MYRIP: variants seen among roughly 807,000 people sequenced by gnomAD.
The protein encoded by MYRIP is rab effector MyRIP.
In MYRIP, 49 loss-of-function variants were observed where a neutral mutation model predicts 98.0. That is an observed-to-expected ratio of 0.50 (90% CI 0.40 to 0.63). The LOEUF is 0.63. MYRIP is among the 30% of genes least tolerant of loss of function. MYRIP has a pLI of 0.00. For synonymous variants in MYRIP, 404 were observed against 409.5 expected (o/e 0.99, Z 0.16); for missense variants, 1,004 against 1,058.2 (o/e 0.95, Z 0.71).
chr3:40,201,358 A>G (rs114196361), intron 10 of MYRIP, among the ~76,000 whole-genome samples: 5,089 of 152,316 alleles, frequency 0.033, 124 homozygotes, highest in Middle Eastern at 0.065. Flanking sequence ...ATACCAAGTC[A>G]GGAGGTTTTG....
At chr3:39,995,719 C>T (rs993559894) in intron 2 of MYRIP, among the ~76,000 whole-genome samples, 1 of 152,072 alleles carries the variant, frequency 6.6e-6, no homozygotes, top group African/African-American at 2.4e-5. Flanking sequence ...AGAGCAACTC[C>T]AAGACACATA....
At position 40,211,831 on chromosome 3, in the gene MYRIP, A is replaced by G. The variant is rs568720031; in HGVS notation, c.1905+1738A>G. On this transcript the variant is annotated intron_variant, in intron 11 of 16. Transcript: ENST00000302541. Reference sequence around the variant, plus strand: ...AGCAACCTCCTGGAGGCAGTCACCAATGTACGCTATTCTCCCCTGGGCAGA... The same window carrying G: ...AGCAACCTCCTGGAGGCAGTCACCAGTGTACGCTATTCTCCCCTGGGCAGA... Among the ~76,000 whole-genome samples the G allele has an allele frequency of 4.1e-5, 6 of 147,048 alleles. No individual in the cohort carries two copies. In the East Asian group the frequency reaches 9.9e-4, roughly 24 times the overall value.
chr3:39,867,547 A>G (rs556170263), intron 1 of MYRIP, among the ~76,000 whole-genome samples: 2 of 152,348 alleles, frequency 1.3e-5, no homozygotes, highest in Admixed American at 1.3e-4. Context: ...AGGTATATGA[A>G]AAAGTGCTCA....
chr3:40,075,487 T>C (rs1948323852), intron 3 of MYRIP, among the ~76,000 whole-genome samples: 1 of 152,222 alleles, frequency 6.6e-6, no homozygotes, highest in Admixed American at 6.5e-5. Context: ...AAATCCCAAC[T>C]TTGCCATTTA....
intron 2 of MYRIP, among the ~76,000 whole-genome samples, chr3:39,981,180 ATC>A (rs1251826710): frequency 6.6e-6 from 1 of 152,226 alleles, no homozygotes; most frequent in African/African-American, 2.4e-5. Flanking sequence ...CATAATCAGA[ATC>A]AGTGTCTGCA....
chr3:40,137,262 G>A (rs1394118021), intron 3 of MYRIP, among the ~76,000 whole-genome samples: 13 of 152,176 alleles, frequency 8.5e-5, no homozygotes, highest in African/African-American at 1.4e-4. Context: ...ACACCTCTAC[G>A]TGAATAAACT....
chr3:40,230,266 T>C (rs1004181768), intron 11 of MYRIP, among the ~76,000 whole-genome samples: 7 of 152,240 alleles, frequency 4.6e-5, no homozygotes, highest in Non-Finnish European at 7.3e-5. Context: ...TCGTGCTTTG[T>C]GCCATTCAGC....
At chr3:39,887,530 A>G (rs974016246) in intron 1 of MYRIP, among the ~76,000 whole-genome samples, 1 of 152,168 alleles carries the variant, frequency 6.6e-6, no homozygotes, top group Non-Finnish European at 1.5e-5. Context: ...ACGTATTTCA[A>G]AATAATGAGA....
At chr3:40,249,503 T>C (rs943820704) in intron 13 of MYRIP, among the ~76,000 whole-genome samples, 1 of 152,206 alleles carries the variant, frequency 6.6e-6, no homozygotes, top group Non-Finnish European at 1.5e-5. Context: ...TTTAAAACAC[T>C]TAGCATGGTT....
chr3:40,216,181 G>A (rs2125676042), intron 11 of MYRIP, among the ~76,000 whole-genome samples: 1 of 152,308 alleles, frequency 6.6e-6, no homozygotes, highest in South Asian at 2.1e-4. Flanking sequence ...GGAAGGCCAG[G>A]ATAAGGATAT....
At chr3:39,900,700 C>A (rs1943719731) in intron 1 of MYRIP, 87 bp from the exon 2 acceptor site, 4 of 693,684 alleles carry the variant, frequency 5.8e-6, no homozygotes, top group African/African-American at 1.8e-5. Flanking sequence ...CATATAAACA[C>A]TATATTTAAC....
At chr3:40,129,471 AAAAAATCATGCCACCTCCG>A (rs1949593838) in intron 3 of MYRIP, among the ~76,000 whole-genome samples, 3 of 134,868 alleles carry the variant, frequency 2.2e-5, no homozygotes, top group South Asian at 5.2e-4. Flanking sequence ...AAAAAAAAAA[AAAAAATCATGCCACCTCCG>A]AAAACACCCA....
intron 11 of MYRIP, among the ~76,000 whole-genome samples, chr3:40,211,385 T>C (rs965170316): frequency 4.6e-5 from 7 of 152,122 alleles, no homozygotes; most frequent in African/African-American, 1.7e-4. Flanking sequence ...GTGAAGACCA[T>C]TACCCGTGGC....
intron 2 of MYRIP, among the ~76,000 whole-genome samples, chr3:40,041,762 TA>T (rs1210251347): frequency 6.7e-5 from 9 of 135,072 alleles, no homozygotes; most frequent in Admixed American, 5.3e-4. Context: ...TAATAATACT[TA>T]AAAAAATACT....
intron 2 of MYRIP, among the ~76,000 whole-genome samples, chr3:39,942,557 G>A (rs1000941887): frequency 1.1e-4 from 16 of 152,052 alleles, no homozygotes; most frequent in South Asian, 6.2e-4. Context: ...TATTTTGGGC[G>A]TACAGGTGAT....
chr3:39,979,084 A>T (rs540867282), intron 2 of MYRIP, among the ~76,000 whole-genome samples: 79 of 152,270 alleles, frequency 5.2e-4, no homozygotes, highest in African/African-American at 1.9e-3. Context: ...GGAATGCCTA[A>T]GTCCTAAAGT....
chr3:39,885,800 G>C (rs1943282351), intron 1 of MYRIP, among the ~76,000 whole-genome samples: 1 of 151,914 alleles, frequency 6.6e-6, no homozygotes, highest in South Asian at 2.1e-4. Context: ...GGCTCCTGAG[G>C]CTTCTACATT....
chr3:39,882,129 T>C (rs1025467078), intron 1 of MYRIP, among the ~76,000 whole-genome samples: 9 of 151,952 alleles, frequency 5.9e-5, no homozygotes, highest in African/African-American at 2.2e-4. Context: ...TCTTGTTAGC[T>C]TTTTTTTAGT....
At chr3:40,194,068 T>A (rs1320240497) in intron 10 of MYRIP, among the ~76,000 whole-genome samples, 1 of 152,178 alleles carries the variant, frequency 6.6e-6, no homozygotes, top group African/African-American at 2.4e-5. Flanking sequence ...TTGTTCATAA[T>A]AATTTATCAA....
Sources: allele counts gnomAD v4.1 joint callset (sites outside exome capture counted in the v4.1 genomes callset), GRCh38; gene constraint gnomAD v4.1.1; transcripts MANE v1.5; gene names NCBI Gene and HGNC (gene_info 2026-07-23, HGNC 2026-07-21).